The following CTBP2 variants were observed in gnomAD, a reference collection of about 807,000 sequenced individuals.
The protein encoded by CTBP2 is C-terminal-binding protein 2.
A neutral mutation model predicts 80.3 loss-of-function variants in CTBP2; 30 were observed. The observed-to-expected ratio is 0.37, with a 90% CI of 0.28 to 0.51. The LOEUF (loss-of-function observed/expected upper bound fraction) is 0.51, where lower values mean the gene tolerates loss of function less well. Among genes scored for constraint, CTBP2 ranks in the 20% least tolerant of loss-of-function variants. The pLI is 0.93. For missense variants in CTBP2, 1,212 were observed against 1,375.3 expected, an observed-to-expected ratio of 0.88 and a Z score of 1.88; for synonymous variants, 594 against 587.4, an observed-to-expected ratio of 1.01 and a Z score of -0.16.
At chr10:125,101,849 T>G (rs1850676653) in intron 2 of CTBP2, among the ~76,000 whole-genome samples, 1 of 152,186 alleles carries the variant, frequency 6.6e-6, no homozygotes, top group African/African-American at 2.4e-5. Context: ...GCAATCATCT[T>G]TGTGTGTGTA....
chr10:125,028,871 C>T (rs1046589401), upstream of CTBP2, among the ~76,000 whole-genome samples: 7 of 152,202 alleles, frequency 4.6e-5, no homozygotes, highest in African/African-American at 1.7e-4. Flanking sequence ...CTTTCAGAGT[C>T]CACAAAGGAC....
intron 1 of CTBP2, among the ~76,000 whole-genome samples, chr10:125,140,410 A>C (rs1336541098): frequency 6.6e-6 from 1 of 152,134 alleles, no homozygotes; most frequent in Non-Finnish European, 1.5e-5. Context: ...AAGGGGACAA[A>C]GAATGAGCTC....
At chr10:125,133,720 G>T (rs1565001939) in intron 1 of CTBP2, 12 of 152,184 alleles carry the variant, frequency 7.9e-5, no homozygotes. Context: ...TGAAATGACT[G>T]TTTTTGCCTT....
In CTBP2 at chr10:124,984,944, T is replaced by TACA; in HGVS notation, c.*4571_*4573dup. The TACA allele has an allele frequency of 6.2e-7, 1 of 1,613,870 alleles. No individual in the cohort carries two copies. Among genetic ancestry groups the TACA allele is most frequent in the Non-Finnish European group, 8.5e-7 (1 of 1,179,990 alleles). The stretch of plus-strand genomic sequence containing the variant: ...ACCGCTACCGACAGATCCGGCCGTG[T>TACA]ACATCCCTGTCTGATGGAGAGGAAG... On this transcript the variant is annotated 3_prime_UTR_variant, in exon 9 of 9. Transcript: ENST00000309035.
At chr10:125,039,102 C>T (rs778296982) in exon 3 of CTBP2, 117 of 1,572,574 alleles carry the variant, frequency 7.4e-5, no homozygotes, top group Non-Finnish European at 9.5e-5. Flanking sequence ...AAGCAGTCCT[C>T]TAAGAACTTA....
intron 2 of CTBP2, among the ~76,000 whole-genome samples, chr10:125,088,679 A>G (rs1312584325): frequency 1.3e-5 from 2 of 152,188 alleles, no homozygotes; most frequent in Admixed American, 6.5e-5. Flanking sequence ...TTACACAGTA[A>G]GTGTTTCCGT....
chr10:125,141,845 G>T, intron 1 of CTBP2, among the ~76,000 whole-genome samples: 1 of 152,218 alleles, frequency 6.6e-6, no homozygotes, highest in South Asian at 2.1e-4. Flanking sequence ...CATGCACACG[G>T]TTAGCACACT....
chr10:125,155,705 A>AT (rs1260658480), intron 1 of CTBP2, among the ~76,000 whole-genome samples: 1 of 152,086 alleles, frequency 6.6e-6, no homozygotes, highest in East Asian at 1.9e-4. Flanking sequence ...AAACTCTTTC[A>AT]TAAGTCTTTG....
chr10:124,988,336 A>C lies in CTBP2; in HGVS notation c.*1182T>G, dbSNP rs1481417174. ...TGTACTTGAATTTCAGAACTTAACA[A>C]ATTTTAATTACTTTTTATTGAAAAC... On this transcript the variant is annotated 3_prime_UTR_variant, in exon 9 of 9. Coordinates refer to ENST00000309035, the MANE Select transcript of CTBP2 (RefSeq NM_022802.3). 6.6e-6 allele frequency: 1 copy of C among 152,656 alleles called. No homozygotes were observed. The highest frequency in any genetic ancestry group is 2.4e-5 in the African/African-American group (1 of 41,456). 9.5% of individuals were successfully genotyped at this position (152,656 alleles called of 1,614,324 possible).
intron 1 of CTBP2, among the ~76,000 whole-genome samples, chr10:125,154,891 A>C (rs1860645445): frequency 6.6e-6 from 1 of 152,182 alleles, no homozygotes; most frequent in South Asian, 2.1e-4. Context: ...TCCAGCAAAA[A>C]CTTATTTTAG....
chr10:124,998,091 G>A lies in CTBP2; in HGVS notation c.2058C>T (p.Tyr686=). 1.2e-6 allele frequency: 2 copies of A among 1,612,862 alleles called. No individual in the cohort carries two copies. Among genetic ancestry groups the A allele is most frequent in the Non-Finnish European group, 1.7e-6 (2 of 1,179,768 alleles). ...CCTGGTACAGCCACGTGTTCCTCCG[G>A]TACAGGTTGAGGATGTGGCAGATGG... Residue 686 remains tyrosine, a synonymous_variant, in exon 4 of 9, where the codon TAC becomes TAT. Coordinates refer to ENST00000309035, the MANE Select transcript of CTBP2 (RefSeq NM_022802.3).
chr10:125,077,542 G>A lies in CTBP2; in HGVS notation c.-102+33448C>T, dbSNP rs1444317958. Among the ~76,000 whole-genome samples the A allele has an allele frequency of 2.6e-5, 4 of 152,200 alleles. No homozygotes were observed. In the East Asian group the frequency reaches 7.7e-4, roughly 29 times the overall value. On this transcript the variant is annotated intron_variant, in intron 2 of 10. Coordinates refer to the CTBP2 transcript ENST00000337195. ...CCCTCACCAGGCCTGGCAGCCAATA[G>A]TAATCGGTGTGGTTCATTTTTTGAA...
At chr10:124,994,380 C>T in intron 5 of CTBP2, 89 bp downstream of exon 7, 2 of 1,298,188 alleles carry the variant, frequency 1.5e-6, no homozygotes, top group Non-Finnish European at 2.2e-6. Context: ...CAGAAACCAC[C>T]TCCGTTGCCC....
At chr10:125,122,662 G>A (rs1246677460) in intron 1 of CTBP2, 1 of 152,238 alleles carries the variant, frequency 6.6e-6, no homozygotes, top group African/African-American at 2.4e-5. Context: ...CTCACAAGGT[G>A]AAGGGGGTTC....
In CTBP2 at chr10:125,081,334, G is replaced by A. The variant is rs117396339; in HGVS notation, c.-102+29656C>T. On this transcript the variant is annotated intron_variant, in intron 2 of 10. Transcript: ENST00000337195. The stretch of plus-strand genomic sequence containing the variant: ...CTTTTGCTATAAAGGATCTTATTGG[G>A]ACTACTGGCAAAATCAGTAAGATCT... Among the ~76,000 whole-genome samples, 667 of 152,314 alleles carry A rather than the reference G, an allele frequency of 4.4e-3. 2 individuals are homozygous for A. Among genetic ancestry groups the A allele is most frequent in the Non-Finnish European group, 7.8e-3 (534 of 68,028 alleles).
upstream of CTBP2, among the ~76,000 whole-genome samples, chr10:125,031,809 C>T (rs1230710723): frequency 6.6e-6 from 1 of 152,238 alleles, no homozygotes; most frequent in Non-Finnish European, 1.5e-5. Flanking sequence ...AGCGCGGAGG[C>T]TTGGGCACCC....
intron 2 of CTBP2, among the ~76,000 whole-genome samples, chr10:125,041,622 C>A (rs1959850291): frequency 1.3e-5 from 2 of 151,688 alleles, no homozygotes; most frequent in African/African-American, 4.9e-5. Context: ...CTGGCCCCTC[C>A]TTGACTCTGT....
intron 1 of CTBP2, among the ~76,000 whole-genome samples, chr10:125,116,317 G>A (rs1564956422): frequency 6.6e-6 from 1 of 152,184 alleles, no homozygotes; most frequent in Non-Finnish European, 1.5e-5. Context: ...CTGGAAGCAT[G>A]GTGTCTGTTA....
At chr10:125,127,469 A>G (rs766588198) in intron 1 of CTBP2, among the ~76,000 whole-genome samples, 2 of 152,206 alleles carry the variant, frequency 1.3e-5, no homozygotes, top group Non-Finnish European at 2.9e-5. Flanking sequence ...TCAAAAGCCC[A>G]GCTGAGATCA....
Sources: allele counts gnomAD v4.1 joint callset (sites outside exome capture counted in the v4.1 genomes callset), GRCh38; gene constraint gnomAD v4.1.1; transcripts MANE v1.5; gene names NCBI Gene and HGNC (gene_info 2026-07-23, HGNC 2026-07-21).